KATNIP: variants seen among roughly 807,000 people sequenced by gnomAD.
KATNIP encodes the protein katanin-interacting protein.
Under a neutral mutation model 174.0 loss-of-function variants are expected in KATNIP, and 126 were observed. The observed-to-expected ratio is 0.72, with a 90% CI of 0.63 to 0.84. The LOEUF is 0.84. Among genes scored for constraint, KATNIP ranks in the 40% least tolerant of loss-of-function variants. KATNIP has a pLI of 0.00. For synonymous variants in KATNIP, 810 were observed against 835.7 expected (o/e 0.97, Z 0.53); for missense variants, 1,958 against 2,109.7 (o/e 0.93, Z 1.41).
At chr16:27,600,687 G>A (rs916882772) in intron 2 of KATNIP, among the ~76,000 whole-genome samples, 3 of 149,468 alleles carry the variant, frequency 2.0e-5, no homozygotes, top group African/African-American at 7.4e-5. Flanking sequence ...GTAATCCCAG[G>A]CCCCCTCCAC....
intron 8 of KATNIP, among the ~76,000 whole-genome samples, chr16:27,697,567 T>G (rs1339679082): frequency 6.7e-6 from 1 of 150,224 alleles, no homozygotes; most frequent in East Asian, 1.9e-4. Context: ...TTGCTTTATA[T>G]TCTATGTATA....
In KATNIP at chr16:27,618,328, G is replaced by A. The variant is rs191099931; in HGVS notation, c.64-97G>A. Reference sequence around the variant, plus strand: ...TGGGCCTTCGTCAAGGTCAGCCTCCGCCTCTCAGCCTGCTGCGCCGGTGTG... The same window carrying A: ...TGGGCCTTCGTCAAGGTCAGCCTCCACCTCTCAGCCTGCTGCGCCGGTGTG... On this transcript the variant is annotated intron_variant, in intron 2 of 27. Transcript: ENST00000261588. 437 of 932,222 alleles carry A rather than the reference G, an allele frequency of 4.7e-4. 2 individuals carry two copies. The East Asian group carries it at 0.01, about 22-fold the overall frequency. The allele number at this position is 932,222 out of a possible 1,614,324, so 57.7% of individuals were successfully genotyped here.
chr16:27,770,469 G>A (rs193122909), intron 21 of KATNIP, among the ~76,000 whole-genome samples: 233 of 152,338 alleles, frequency 1.5e-3, no homozygotes, highest in African/African-American at 5.3e-3. Flanking sequence ...ATTTGTAAAT[G>A]CCACGTTAAG....
intron 2 of KATNIP, among the ~76,000 whole-genome samples, chr16:27,597,125 C>G (rs1567475272): frequency 6.6e-6 from 1 of 151,888 alleles, no homozygotes; most frequent in Non-Finnish European, 1.5e-5. Flanking sequence ...CCTAATAATT[C>G]AAGGCTGCAG....
At chr16:27,768,550 G>A (rs1197246443) in intron 20 of KATNIP, among the ~76,000 whole-genome samples, 1 of 152,186 alleles carries the variant, frequency 6.6e-6, no homozygotes, top group Non-Finnish European at 1.5e-5. Context: ...CAGCAGAAGA[G>A]AAAGCTCCCC....
intron 12 of KATNIP, among the ~76,000 whole-genome samples, chr16:27,705,956 CTG>C (rs1044581299): frequency 6.6e-6 from 1 of 152,174 alleles, no homozygotes; most frequent in African/African-American, 2.4e-5. Context: ...GGGATTACAG[CTG>C]TGAGTCACCA....
At chr16:27,653,177 G>A (rs898550417) in intron 6 of KATNIP, among the ~76,000 whole-genome samples, 4 of 152,242 alleles carry the variant, frequency 2.6e-5, no homozygotes, top group Non-Finnish European at 4.4e-5. Flanking sequence ...GACCTGTCTC[G>A]TTCCCAGTGA....
intron 2 of KATNIP, 194 bp downstream of exon 2, chr16:27,574,150 A>G: frequency 1.7e-6 from 1 of 580,408 alleles, no homozygotes; most frequent in Admixed American, 3.0e-5. Context: ...TGTAATAATC[A>G]CTTGTAATAA....
At chr16:27,573,807 C>T (rs1360660504) in intron 1 of KATNIP, 94 bp from the exon 2 acceptor site, 2 of 1,104,736 alleles carry the variant, frequency 1.8e-6, no homozygotes, top group Non-Finnish European at 2.8e-6. Context: ...TGATTGGTCC[C>T]ATCTATTCAG....
intron 20 of KATNIP, 67 bp from the exon 21 acceptor site, chr16:27,769,794 G>A (rs1475215923): frequency 1.5e-5 from 23 of 1,579,312 alleles, no homozygotes; most frequent in African/African-American, 5.4e-5. Context: ...CTCCGGTCAC[G>A]TCAGCACCGC....
intron 2 of KATNIP, among the ~76,000 whole-genome samples, chr16:27,590,887 G>A (rs555464588): frequency 1.3e-5 from 2 of 152,300 alleles, no homozygotes; most frequent in Admixed American, 6.5e-5. Flanking sequence ...ATCTGCTAGT[G>A]GCACCCCTTT....
At chr16:27,673,146 A>C (rs1219506526) in intron 6 of KATNIP, among the ~76,000 whole-genome samples, 8 of 152,216 alleles carry the variant, frequency 5.3e-5, no homozygotes, top group African/African-American at 1.9e-4. Flanking sequence ...GCCAAGCATA[A>C]GAGCCAATAG....
At chr16:27,677,466 C>G (rs1225652982) in intron 6 of KATNIP, among the ~76,000 whole-genome samples, 1 of 151,834 alleles carries the variant, frequency 6.6e-6, no homozygotes, top group Non-Finnish European at 1.5e-5. Flanking sequence ...ATGTGCACTC[C>G]CCCCCACCCC....
At position 27,777,251 on chromosome 16, in the gene KATNIP, T is replaced by C. The variant is rs1279089726; in HGVS notation, c.4551+222T>C. ...CTGAGCAAATAGAAAGTGGGTTTTC[T>C]TTCGTCTTTTCCTCTAGAATCCCAC... On this transcript the variant is annotated intron_variant, in intron 25 of 27. Coordinates refer to ENST00000261588, the MANE Select transcript of KATNIP (RefSeq NM_015202.5). This position sits in a 1 kb window ranked among gnomAD's most constrained non-coding sequence, Gnocchi z 4.4. Among the ~76,000 whole-genome samples, 1 of 152,198 alleles carries C rather than the reference T, an allele frequency of 6.6e-6. No individual in the cohort carries two copies. Among genetic ancestry groups the C allele is most frequent in the Non-Finnish European group, 1.5e-5 (1 of 68,038 alleles).
intron 1 of KATNIP, among the ~76,000 whole-genome samples, chr16:27,565,055 C>T (rs1166635254): frequency 2.6e-5 from 4 of 151,734 alleles, no homozygotes; most frequent in Non-Finnish European, 4.4e-5. Context: ...TGAGCCACCA[C>T]GCCCGGCCCT....
intron 1 of KATNIP, among the ~76,000 whole-genome samples, chr16:27,569,173 A>C (rs2090194899): frequency 1.3e-5 from 2 of 152,274 alleles, no homozygotes; most frequent in South Asian, 4.1e-4. Flanking sequence ...ACTCTTTATC[A>C]AGGGTAATTT....
chr16:27,747,149 G>T (rs2081323073), intron 15 of KATNIP, among the ~76,000 whole-genome samples: 1 of 152,224 alleles, frequency 6.6e-6, no homozygotes, highest in Non-Finnish European at 1.5e-5. Context: ...CCCAGACTGA[G>T]GGTAGGACTG....
At chr16:27,620,915 G>C (rs1385814874) in intron 3 of KATNIP, among the ~76,000 whole-genome samples, 1 of 152,218 alleles carries the variant, frequency 6.6e-6, no homozygotes, top group Non-Finnish European at 1.5e-5. Context: ...GGAAGACACA[G>C]ACTGTATTAG....
chr16:27,636,908 AC>A (rs2076653634), intron 5 of KATNIP, among the ~76,000 whole-genome samples: 1 of 152,220 alleles, frequency 6.6e-6, no homozygotes, highest in African/African-American at 2.4e-5. Context: ...TCAGGTGGGA[AC>A]AGGTGACAGA....
Sources: gnomAD v4.1 joint callset for allele counts (sites outside exome capture counted in the v4.1 genomes callset) on GRCh38, gnomAD v4.1.1 for gene constraint, Gnocchi (gnomAD v3.1) non-coding constraint, MANE v1.5 for transcripts, NCBI Gene and HGNC (gene_info 2026-07-23, HGNC 2026-07-21) for gene names.